Variants in RNGTT observed in about 807,000 individuals in gnomAD.
RNGTT encodes mRNA-capping enzyme.
A neutral mutation model predicts 79.3 loss-of-function variants in RNGTT; 33 were observed. The ratio of observed to expected loss-of-function variants is 0.42; its 90% CI spans 0.32 to 0.56. The LOEUF is 0.56. Ranked by LOEUF, RNGTT falls within the 20% of genes least tolerant of loss-of-function variation. The pLI is 0.17. For synonymous variants in RNGTT, 222 were observed against 235.9 expected (o/e 0.94, Z 0.54); for missense variants, 497 against 739.1 (o/e 0.67, Z 3.80).
At chr6:88,918,256 G>A (rs572426510) in intron 4 of RNGTT, among the ~76,000 whole-genome samples, 2 of 152,236 alleles carry the variant, frequency 1.3e-5, no homozygotes, top group Admixed American at 6.5e-5. Context: ...CCAGGAGGTC[G>A]AGGATGCAGT....
intron 2 of RNGTT, 30 bp downstream of exon 2, chr6:88,941,041 T>A: frequency 7.5e-7 from 1 of 1,326,718 alleles, no homozygotes; most frequent in Middle Eastern, 1.8e-4. Flanking sequence ...GTATATTAAA[T>A]CAGTGACAAA....
intron 14 of RNGTT, among the ~76,000 whole-genome samples, chr6:88,635,304 T>C (rs1000233977): frequency 2.0e-5 from 3 of 152,096 alleles, no homozygotes; most frequent in Non-Finnish European, 4.4e-5. Context: ...CCAGAGATTT[T>C]AGAAAACATG....
At position 88,647,860 on chromosome 6, in the gene RNGTT, C is replaced by T. The variant is rs563805053; in HGVS notation, c.1506+30493G>A. ...TCTTATGAAAAGTAAGTCTAACAGA[C>T]TTAGGCTTGATTTTAAACTCTTAAG... On this transcript the variant is annotated intron_variant, in intron 14 of 15. Coordinates refer to ENST00000369485, the MANE Select transcript of RNGTT (RefSeq NM_003800.5). 2.0e-5 allele frequency among the ~76,000 whole-genome samples: 3 copies of T among 151,810 alleles called. No homozygotes were observed. In the South Asian group the frequency reaches 6.2e-4, roughly 31 times the overall value.
intron 13 of RNGTT, among the ~76,000 whole-genome samples, chr6:88,739,147 C>G (rs995161744): frequency 6.6e-6 from 1 of 151,958 alleles, no homozygotes; most frequent in African/African-American, 2.4e-5. Flanking sequence ...AAACTACATA[C>G]AAGGGAAATC....
intron 8 of RNGTT, among the ~76,000 whole-genome samples, chr6:88,874,020 T>G (rs1407586644): frequency 2.0e-5 from 3 of 152,102 alleles, no homozygotes; most frequent in Non-Finnish European, 4.4e-5. Flanking sequence ...AATCAACCAG[T>G]TCTGTATATA....
chr6:88,894,430 AG>A (rs1783159275), intron 6 of RNGTT, among the ~76,000 whole-genome samples: 1 of 152,226 alleles, frequency 6.6e-6, no homozygotes, highest in Non-Finnish European at 1.5e-5. Flanking sequence ...TAGCTAGAAA[AG>A]TATGCCTTAG....
chr6:88,926,085 C>G (rs936369580), intron 4 of RNGTT, among the ~76,000 whole-genome samples: 1 of 152,090 alleles, frequency 6.6e-6, no homozygotes. Context: ...TTTGTTTACT[C>G]CAGAATTAAA....
At chr6:88,657,534 C>G (rs1247550912) in intron 14 of RNGTT, among the ~76,000 whole-genome samples, 1 of 152,082 alleles carries the variant, frequency 6.6e-6, no homozygotes, top group African/African-American at 2.4e-5. Context: ...TAAACAGAAT[C>G]AGGGGGTGGG....
intron 8 of RNGTT, among the ~76,000 whole-genome samples, chr6:88,867,978 C>A (rs1037088135): frequency 1.3e-5 from 2 of 152,152 alleles, no homozygotes; most frequent in Admixed American, 1.3e-4. Flanking sequence ...GGGAAAGCCC[C>A]TTAGGCTTAG....
chr6:88,960,295 C>T (rs915985373), intron 1 of RNGTT, among the ~76,000 whole-genome samples: 1 of 152,266 alleles, frequency 6.6e-6, no homozygotes, highest in Admixed American at 6.5e-5. Flanking sequence ...CCATCACTAT[C>T]ACCATCACAC....
intron 1 of RNGTT, among the ~76,000 whole-genome samples, chr6:88,953,438 T>A (rs977159171): frequency 6.6e-6 from 1 of 152,034 alleles, no homozygotes. Context: ...AAAAAAATTT[T>A]AAAAATGAAC....
intron 13 of RNGTT, among the ~76,000 whole-genome samples, chr6:88,753,535 G>C (rs2127831636): frequency 6.6e-6 from 1 of 151,784 alleles, no homozygotes; most frequent in African/African-American, 2.4e-5. Context: ...AAAACTACTT[G>C]AACTGATAGA....
intron 11 of RNGTT, among the ~76,000 whole-genome samples, chr6:88,833,119 G>A (rs1190030533): frequency 1.3e-5 from 2 of 152,194 alleles, no homozygotes; most frequent in African/African-American, 4.8e-5. Context: ...AAAGACACAT[G>A]CACATGTATG....
chr6:88,871,353 G>GTT (rs145032697), intron 8 of RNGTT, among the ~76,000 whole-genome samples: 4 of 144,010 alleles, frequency 2.8e-5, no homozygotes, highest in East Asian at 4.0e-4. Context: ...TAATAGCAGA[G>GTT]TTTTTTTTTT....
At chr6:88,768,700 C>A (rs1778548481) in intron 13 of RNGTT, among the ~76,000 whole-genome samples, 1 of 152,044 alleles carries the variant, frequency 6.6e-6, no homozygotes, top group African/African-American at 2.4e-5. Context: ...TTTCTGATTT[C>A]CTTGATTAAG....
chr6:88,773,834 C>T (rs1389248114), intron 12 of RNGTT, among the ~76,000 whole-genome samples: 5 of 152,038 alleles, frequency 3.3e-5, no homozygotes, highest in African/African-American at 1.2e-4. Context: ...GAATAAACAA[C>T]CTGTAACATG....
In RNGTT at chr6:88,610,611, G is replaced by C. The variant is rs959532554; in HGVS notation, c.*2108C>G. 1 of 152,130 alleles carries C rather than the reference G, an allele frequency of 6.6e-6. No homozygotes were observed. Among genetic ancestry groups the C allele is most frequent in the African/African-American group, 2.4e-5 (1 of 41,422 alleles). 9.4% of individuals were successfully genotyped at this position (152,130 alleles called of 1,614,324 possible). On this transcript the variant is annotated 3_prime_UTR_variant, in exon 16 of 16. Transcript: ENST00000369485. ...AATACTGCAGATGGTATTATGTTCA[G>C]GGGCTAAATGGGATCTACTTATAAG...
chr6:88,705,191 A>G (rs1776089366), intron 13 of RNGTT, among the ~76,000 whole-genome samples: 2 of 152,170 alleles, frequency 1.3e-5, no homozygotes, highest in South Asian at 2.1e-4. Flanking sequence ...ATCATAAGAC[A>G]TTTTATATCA....
intron 2 of RNGTT, among the ~76,000 whole-genome samples, chr6:88,930,077 T>C (rs927383237): frequency 6.8e-6 from 1 of 146,366 alleles, no homozygotes; most frequent in African/African-American, 2.6e-5. Flanking sequence ...TATGTATACA[T>C]ATACATATAT....
Sources: gnomAD v4.1 joint callset for allele counts (sites outside exome capture counted in the v4.1 genomes callset) on GRCh38, gnomAD v4.1.1 for gene constraint, MANE v1.5 for transcripts, NCBI Gene and HGNC (gene_info 2026-07-23, HGNC 2026-07-21) for gene names.